Variants in TTC28 observed in about 807,000 individuals in gnomAD.
TTC28 encodes the protein tetratricopeptide repeat domain 28, also known as tetratricopeptide repeat protein 28.
A neutral mutation model predicts 198.0 loss-of-function variants in TTC28; 61 were observed. The ratio of observed to expected loss-of-function variants is 0.31; its 90% confidence interval spans 0.25 to 0.38. The LOEUF (loss-of-function observed/expected upper bound fraction) is 0.38, where lower values mean the gene tolerates loss of function less well. TTC28 is among the 10% of genes least tolerant of loss of function. The pLI is 1.00. For missense variants in TTC28, 2,678 were observed against 3,164.0 expected, an observed-to-expected ratio of 0.85 and a Z score of 3.69; for synonymous variants, 1,171 against 1,297.8, an observed-to-expected ratio of 0.90 and a Z score of 2.10.
At chr22:28,191,859 G>A (rs1377956905) in intron 5 of TTC28, among the ~76,000 whole-genome samples, 1 of 152,216 alleles carries the variant, frequency 6.6e-6, no homozygotes, top group African/African-American at 2.4e-5. Flanking sequence ...CTCCACCTCT[G>A]GGAGCAGGGC....
chr22:28,169,945 C>T (rs895410990), intron 5 of TTC28, among the ~76,000 whole-genome samples: 1 of 151,964 alleles, frequency 6.6e-6, no homozygotes, highest in Non-Finnish European at 1.5e-5. Flanking sequence ...TTATCCAATC[C>T]AGTTGCTAAT....
chr22:28,524,585 T>C (rs2048973419), intron 2 of TTC28, among the ~76,000 whole-genome samples: 1 of 151,948 alleles, frequency 6.6e-6, no homozygotes, highest in Admixed American at 6.6e-5. Flanking sequence ...AGACAATCCT[T>C]GGCGAAATGG....
At chr22:28,489,178 T>C (rs1381780055) in intron 2 of TTC28, among the ~76,000 whole-genome samples, 8 of 151,808 alleles carry the variant, frequency 5.3e-5, no homozygotes, top group Non-Finnish European at 1.2e-4. Flanking sequence ...CAGCTACTCA[T>C]GAGGCTGAGG....
At chr22:27,996,087 C>T (rs1937546325) in intron 17 of TTC28, 48 bp downstream of exon 17, 1 of 1,524,374 alleles carries the variant, frequency 6.6e-7, no homozygotes, top group Non-Finnish European at 8.8e-7. Context: ...CCCCTTCTCT[C>T]ACAGCACTGC....
chr22:28,624,322 G>A (rs2051045007), intron 2 of TTC28, among the ~76,000 whole-genome samples: 1 of 151,720 alleles, frequency 6.6e-6, no homozygotes. Context: ...AGCTTGCAGT[G>A]AGCTGACATC....
rs970735555 is a variant in TTC28 at position 28,083,708 on chromosome 22, C to T, written c.3932+10372G>A. Among the ~76,000 whole-genome samples the T allele has an allele frequency of 6.6e-5, 10 of 152,150 alleles. No individual in the cohort carries two copies. The East Asian group carries it at 7.7e-4, about 12-fold the overall frequency. ...GCACCGTGCATGAGATGAAGCAGGGCGAGGCATCGCTTCACCAGGGAAGCA... is the reference window on the plus strand; with the variant it reads ...GCACCGTGCATGAGATGAAGCAGGGTGAGGCATCGCTTCACCAGGGAAGCA... On this transcript the variant is annotated intron_variant, in intron 12 of 22. Coordinates refer to ENST00000397906, the MANE Select transcript of TTC28 (RefSeq NM_001145418.2).
chr22:28,678,270 A>AGT (rs1417695891), intron 1 of TTC28, among the ~76,000 whole-genome samples: 1 of 152,250 alleles, frequency 6.6e-6, no homozygotes, highest in African/African-American at 2.4e-5. Context: ...GCTGGAATGC[A>AGT]GTGGCACAAC....
chr22:28,477,584 T>A (rs2048183875), intron 2 of TTC28, among the ~76,000 whole-genome samples: 1 of 152,212 alleles, frequency 6.6e-6, no homozygotes, highest in African/African-American at 2.4e-5. Context: ...TGGATTCTGA[T>A]TCAAAACAAG....
intron 2 of TTC28, among the ~76,000 whole-genome samples, chr22:28,358,529 C>T (rs1243756445): frequency 6.6e-6 from 1 of 152,198 alleles, no homozygotes; most frequent in African/African-American, 2.4e-5. Flanking sequence ...CATGTCAGCT[C>T]TGCATACATA....
chr22:28,304,262 G>C (rs1343857810), intron 3 of TTC28, among the ~76,000 whole-genome samples: 1 of 151,620 alleles, frequency 6.6e-6, no homozygotes, highest in Non-Finnish European at 1.5e-5. Context: ...TCCAGCCTGG[G>C]CGACAGAGCG....
intron 2 of TTC28, among the ~76,000 whole-genome samples, chr22:28,449,743 C>A (rs973059423): frequency 2.6e-5 from 4 of 152,064 alleles, no homozygotes; most frequent in African/African-American, 9.7e-5. Context: ...AATAGGAAAA[C>A]AACAAAGACA....
chr22:28,361,098 C>G (rs893215403), intron 2 of TTC28, among the ~76,000 whole-genome samples: 5 of 152,118 alleles, frequency 3.3e-5, no homozygotes, highest in African/African-American at 1.2e-4. Context: ...GAAATTAAGC[C>G]AAGTAATAAC....
chr22:28,137,489 G>A (rs1438140621), intron 6 of TTC28, among the ~76,000 whole-genome samples: 2 of 152,064 alleles, frequency 1.3e-5, no homozygotes, highest in Non-Finnish European at 2.9e-5. Flanking sequence ...ATTCCTGCAA[G>A]AACCTTAAAC....
intron 12 of TTC28, among the ~76,000 whole-genome samples, chr22:28,058,609 G>C (rs1165433177): frequency 1.3e-5 from 2 of 151,948 alleles, no homozygotes; most frequent in Admixed American, 1.3e-4. Context: ...GTTAGGTTTT[G>C]GTATTAGGGT....
chr22:28,387,076 G>A (rs964110340), intron 2 of TTC28, among the ~76,000 whole-genome samples: 28 of 151,496 alleles, frequency 1.8e-4, no homozygotes, highest in African/African-American at 6.1e-4. Flanking sequence ...TCCCACCTAT[G>A]AGTGAGAATA....
chr22:28,520,913 C>T (rs1195528497), intron 2 of TTC28, among the ~76,000 whole-genome samples: 2 of 151,980 alleles, frequency 1.3e-5, no homozygotes, highest in Admixed American at 6.6e-5. Context: ...ATTAGCCAGG[C>T]GTAGTGGCAC....
chr22:28,017,386 G>C (rs1477659995), intron 13 of TTC28, among the ~76,000 whole-genome samples: 1 of 152,258 alleles, frequency 6.6e-6, no homozygotes, highest in Non-Finnish European at 1.5e-5. Flanking sequence ...CTGGGTCCCA[G>C]TGGAGGTGGG....
intron 2 of TTC28, among the ~76,000 whole-genome samples, chr22:28,381,851 AT>A (rs1359935743): frequency 6.6e-6 from 1 of 152,122 alleles, no homozygotes; most frequent in African/African-American, 2.4e-5. Flanking sequence ...CAAAACATAT[AT>A]TTCTCTGATA....
chr22:28,228,009 T>A (rs913249636), intron 5 of TTC28, among the ~76,000 whole-genome samples: 1 of 152,174 alleles, frequency 6.6e-6, no homozygotes, highest in Non-Finnish European at 1.5e-5. Flanking sequence ...ATGTGGTATA[T>A]ACATACAATA....
Sources: allele counts gnomAD v4.1 joint callset (sites outside exome capture counted in the v4.1 genomes callset), GRCh38; gene constraint gnomAD v4.1.1; transcripts MANE v1.5; gene names NCBI Gene and HGNC (gene_info 2026-07-23, HGNC 2026-07-21).